CCDC85C: variants seen among roughly 807,000 people sequenced by gnomAD.
The protein encoded by CCDC85C is coiled-coil domain-containing protein 85C.
Under a neutral mutation model 38.3 loss-of-function variants are expected in CCDC85C, and 18 were observed. The observed-to-expected ratio is 0.47, with a 90% CI of 0.33 to 0.70. The LOEUF (loss-of-function observed/expected upper bound fraction) is 0.70, where lower values mean the gene tolerates loss of function less well. Among genes scored for constraint, CCDC85C ranks in the 30% least tolerant of loss-of-function variants. The pLI, the probability that CCDC85C is intolerant of heterozygous loss-of-function variation, is 0.03. For synonymous variants in CCDC85C, 264 were observed against 293.8 expected, an observed-to-expected ratio of 0.90 and a Z score of 1.04; for missense variants, 566 against 621.2, an observed-to-expected ratio of 0.91 and a Z score of 0.94.
intron 1 of CCDC85C, among the ~76,000 whole-genome samples, chr14:99,582,515 G>GA (rs953378782): frequency 1.7e-4 from 26 of 149,318 alleles, no homozygotes; most frequent in African/African-American, 2.7e-4. Flanking sequence ...ATCCTGAACA[G>GA]AAAAAAAAAA....
rs896133246 is a variant in CCDC85C, at chr14:99,544,870, C to T, written c.794-8782G>A. ...TGGCACCAGCTTCCCCTGAGATCCA[C>T]CTCCATGCCCGGAGACATGGGATCA... On this transcript the variant is annotated intron_variant, in intron 1 of 5. Transcript: ENST00000380243. The surrounding 1 kb of genome is among the most constrained non-coding windows in gnomAD (Gnocchi z 5.3). Among the ~76,000 whole-genome samples the T allele has an allele frequency of 6.6e-6, 1 of 152,196 alleles. No individual in the cohort carries two copies. Among genetic ancestry groups the T allele is most frequent in the Non-Finnish European group, 1.5e-5 (1 of 68,036 alleles).
At chr14:99,518,972 A>G (rs1434830377) in intron 3 of CCDC85C, among the ~76,000 whole-genome samples, 1 of 152,114 alleles carries the variant, frequency 6.6e-6, no homozygotes, top group African/African-American at 2.4e-5. Flanking sequence ...CACCTGTACT[A>G]GAACTCAGCC....
Position 99,534,148 on chromosome 14 carries a change from G to A in CCDC85C, c.867+1867C>T, listed in dbSNP as rs916303169. Among the ~76,000 whole-genome samples, 8 of 152,100 alleles carry A rather than the reference G, an allele frequency of 5.3e-5. No homozygotes were observed. In the East Asian group the frequency reaches 1.2e-3, roughly 22 times the overall value. On this transcript the variant is annotated intron_variant, in intron 2 of 5. Coordinates refer to ENST00000380243, the MANE Select transcript of CCDC85C (RefSeq NM_001144995.2). ...ATGTGAGAGGATCACCTGAGGTCGGGAGTTCGAGACCAGCCTGACCAACAT... is the reference window on the plus strand; with the variant it reads ...ATGTGAGAGGATCACCTGAGGTCGGAAGTTCGAGACCAGCCTGACCAACAT...
chr14:99,585,353 G>A (rs1323909259), intron 1 of CCDC85C, among the ~76,000 whole-genome samples: 2 of 152,222 alleles, frequency 1.3e-5, no homozygotes, highest in African/African-American at 4.8e-5. Flanking sequence ...GCACAGAGAG[G>A]TGGTGTGGGC....
chr14:99,583,892 G>C (rs1185685210), intron 1 of CCDC85C, among the ~76,000 whole-genome samples: 2 of 151,824 alleles, frequency 1.3e-5, no homozygotes, highest in African/African-American at 4.8e-5. Context: ...AGAGAAATGA[G>C]TGTGTGTAAC....
chr14:99,512,387 T>G lies in CCDC85C; in HGVS notation c.*2859A>C, dbSNP rs1897150436. Reference sequence around the variant, plus strand: ...ATACTTTGCCCCACAGTATGAAAAATATACACCTCTACCGCTCTGCAGTCA... The same window carrying G: ...ATACTTTGCCCCACAGTATGAAAAAGATACACCTCTACCGCTCTGCAGTCA... On this transcript the variant is annotated 3_prime_UTR_variant, in exon 6 of 6. Transcript: ENST00000380243. 1 of 148,396 alleles carries G rather than the reference T, an allele frequency of 6.7e-6. No homozygotes were observed. The highest frequency in any genetic ancestry group is 6.7e-5 in the Admixed American group (1 of 14,882). 9.2% of individuals were successfully genotyped at this position (148,396 alleles called of 1,614,324 possible).
At chr14:99,601,756 T>C (rs1176675983) in intron 1 of CCDC85C, among the ~76,000 whole-genome samples, 1 of 152,114 alleles carries the variant, frequency 6.6e-6, no homozygotes, top group Admixed American at 6.6e-5. Flanking sequence ...GTGGATACAG[T>C]GTTACAAAGA....
In CCDC85C at chr14:99,603,490, G is replaced by A; in HGVS notation, c.470C>T (p.Ala157Val). Residue 157 changes from alanine to valine, a missense_variant, in exon 1 of 6, where the codon GCA (alanine) becomes GTA (valine). Physicochemically the swap from Ala to Val is moderately conservative, Grantham distance 64 (BLOSUM62 0). Coordinates refer to ENST00000380243, the MANE Select transcript of CCDC85C (RefSeq NM_001144995.2). This position sits in a 1 kb window ranked among gnomAD's most constrained non-coding sequence, Gnocchi z 7.5. ...GCTTGCGGCCCCCGTCGCCGCCAGT[G>A]CCGCGCGCTCCTCGTCCAGCAGCAG... is the stretch of plus-strand genomic sequence containing the variant. ...LVLLLDEERA[A>V]LAATGAASGG... The A allele has an allele frequency of 7.6e-7, 1 of 1,309,734 alleles. No individual in the cohort carries two copies. Among genetic ancestry groups the A allele is most frequent in the Non-Finnish European group, 9.6e-7 (1 of 1,037,048 alleles). The allele number at this position is 1,309,734 out of a possible 1,614,324, so 81.1% of individuals were successfully genotyped here.
chr14:99,601,449 G>T (rs1435671221), intron 1 of CCDC85C, among the ~76,000 whole-genome samples: 2 of 152,196 alleles, frequency 1.3e-5, no homozygotes, highest in Non-Finnish European at 2.9e-5. Context: ...AGCCTTTCCT[G>T]CAAGTATGCT....
At position 99,604,000 on chromosome 14, in the gene CCDC85C, G is replaced by C. The variant is rs1229927919; in HGVS notation, c.-41C>G. ...GCGGCATCGCCCTCGCCCTCGCCCG[G>C]CCGGCGCTTCCCCGCGCCGGGGCTC... is the stretch of plus-strand genomic sequence containing the variant. On this transcript the variant is annotated 5_prime_UTR_variant, in exon 1 of 6. Coordinates refer to ENST00000380243, the MANE Select transcript of CCDC85C (RefSeq NM_001144995.2). This position sits in a 1 kb window ranked among gnomAD's most constrained non-coding sequence, Gnocchi z 7.5. 1 of 1,204,780 alleles carries C rather than the reference G, an allele frequency of 8.3e-7. No homozygotes were observed. Among genetic ancestry groups the C allele is most frequent in the African/African-American group, 1.6e-5 (1 of 62,434 alleles). The allele number at this position is 1,204,780 out of a possible 1,614,324, so 74.6% of individuals were successfully genotyped here.
rs189880485 is a variant in CCDC85C, at chr14:99,512,431, A to T, written c.*2815T>A. The T allele has an allele frequency of 1.6e-4, 24 of 152,276 alleles. No homozygotes were observed. The East Asian group carries it at 4.4e-3, about 28-fold the overall frequency. The allele number at this position is 152,276 out of a possible 1,614,324, so 9.4% of individuals were successfully genotyped here. On this transcript the variant is annotated 3_prime_UTR_variant, in exon 6 of 6. Coordinates refer to ENST00000380243, the MANE Select transcript of CCDC85C (RefSeq NM_001144995.2). ...GCAGTCATGCATTTAGTTTTAAGAA[A>T]AAAAAAAAATCAGTAGTATGTATCT...
At chr14:99,517,901 G>A (rs1897250822) in intron 3 of CCDC85C, among the ~76,000 whole-genome samples, 1 of 152,216 alleles carries the variant, frequency 6.6e-6, no homozygotes, top group African/African-American at 2.4e-5. Flanking sequence ...GAAACCAGCA[G>A]GTCACAAGAT....
intron 1 of CCDC85C, among the ~76,000 whole-genome samples, chr14:99,571,104 C>T (rs148889148): frequency 5.9e-5 from 9 of 152,184 alleles, no homozygotes; most frequent in African/African-American, 2.2e-4. Flanking sequence ...CAGCAGACCA[C>T]CCCACCCTCA....
At chr14:99,587,080 T>G (rs2055035203) in intron 1 of CCDC85C, among the ~76,000 whole-genome samples, 1 of 152,152 alleles carries the variant, frequency 6.6e-6, no homozygotes, top group African/African-American at 2.4e-5. Flanking sequence ...CATCCTGAGG[T>G]TCTGGACAGC....
rs138254447 is a variant in CCDC85C, at chr14:99,548,104, C to A, written c.794-12016G>T. Among the ~76,000 whole-genome samples, 33 of 152,164 alleles carry A rather than the reference C, an allele frequency of 2.2e-4. No individual in the cohort carries two copies. In the East Asian group the frequency reaches 6.0e-3, roughly 28 times the overall value. ...AACCCGACTATATGAGGATTACGAACGCTGCCAGAGAGTGGCTAGGTGAGC... is the reference window on the plus strand; with the variant it reads ...AACCCGACTATATGAGGATTACGAAAGCTGCCAGAGAGTGGCTAGGTGAGC... On this transcript the variant is annotated intron_variant, in intron 1 of 5. Transcript: ENST00000380243. This position sits in a 1 kb window ranked among gnomAD's most constrained non-coding sequence, Gnocchi z 4.9.
chr14:99,534,258 G>A (rs1323673107), intron 2 of CCDC85C, among the ~76,000 whole-genome samples: 1 of 152,106 alleles, frequency 6.6e-6, no homozygotes, highest in Non-Finnish European at 1.5e-5. Flanking sequence ...AGGAGGCTGA[G>A]GCAGGAGAAT....
chr14:99,599,882 T>TAATA (rs939098835), intron 1 of CCDC85C, among the ~76,000 whole-genome samples: 3 of 152,054 alleles, frequency 2.0e-5, no homozygotes, highest in Non-Finnish European at 1.5e-5. Flanking sequence ...TCTAAATAAA[T>TAATA]AATAAATAAA....
chr14:99,572,498 T>C lies in CCDC85C; in HGVS notation c.793+30669A>G, dbSNP rs2139964009. 6.6e-6 allele frequency among the ~76,000 whole-genome samples: 1 copy of C among 152,186 alleles called. No homozygotes were observed. Among genetic ancestry groups the C allele is most frequent in the South Asian group, 2.1e-4 (1 of 4,812 alleles). On this transcript the variant is annotated intron_variant, in intron 1 of 5. Transcript: ENST00000380243. This position sits in a 1 kb window ranked among gnomAD's most constrained non-coding sequence, Gnocchi z 4.4. ...CAGGTATCACACCTCCGCCAGGCTTTAGATAAAATCCCAACCCCAATAGCT... is the reference window on the plus strand; with the variant it reads ...CAGGTATCACACCTCCGCCAGGCTTCAGATAAAATCCCAACCCCAATAGCT...
chr14:99,543,295 G>A (rs1897748114), intron 1 of CCDC85C, among the ~76,000 whole-genome samples: 1 of 152,112 alleles, frequency 6.6e-6, no homozygotes, highest in East Asian at 1.9e-4. Flanking sequence ...GTCTTACAAA[G>A]GAAAAAAGGA....
Sources: gnomAD v4.1 joint callset for allele counts (sites outside exome capture counted in the v4.1 genomes callset) on GRCh38, gnomAD v4.1.1 for gene constraint, Gnocchi (gnomAD v3.1) non-coding constraint, MANE v1.5 for transcripts, NCBI Gene and HGNC (gene_info 2026-07-23, HGNC 2026-07-21) for gene names.